PDE4DIP: variants seen among roughly 807,000 people sequenced by gnomAD.
PDE4DIP encodes the protein myomegalin.
Under a neutral mutation model 221.4 loss-of-function variants are expected in PDE4DIP, and 59 were observed. The observed-to-expected ratio is 0.27, with a 90% confidence interval of 0.22 to 0.33. PDE4DIP has a LOEUF of 0.33. Among genes scored for constraint, PDE4DIP ranks in the 10% least tolerant of loss-of-function variants. The pLI is 1.00. For synonymous variants in PDE4DIP, 404 were observed against 815.9 expected, an observed-to-expected ratio of 0.50 and a Z score of 8.60; for missense variants, 1,036 against 2,154.2, an observed-to-expected ratio of 0.48 and a Z score of 10.28.
chr1:148,820,932 G>T (rs1553360251), intron 1 of PDE4DIP, among the ~76,000 whole-genome samples: 1 of 148,984 alleles, frequency 6.7e-6, no homozygotes, highest in South Asian at 2.2e-4. Flanking sequence ...CTCACTGCAG[G>T]CTCCGCCCCC....
chr1:148,989,709 A>C (rs112426732), intron 21 of PDE4DIP, among the ~76,000 whole-genome samples: 2,737 of 152,292 alleles, frequency 0.018, 71 homozygotes, highest in African/African-American at 0.063. Flanking sequence ...CAATGTGAAC[A>C]GTCTGTTTTT....
intron 17 of PDE4DIP, among the ~76,000 whole-genome samples, chr1:148,975,166 C>T (rs1447506709): frequency 1.2e-4 from 17 of 147,786 alleles, no homozygotes; most frequent in East Asian, 5.1e-4. Flanking sequence ...AGCAAAACTC[C>T]GCCTCCAAGA....
chr1:148,926,692 T>C (rs1553465993), intron 1 of PDE4DIP, among the ~76,000 whole-genome samples: 1 of 151,822 alleles, frequency 6.6e-6, no homozygotes, highest in African/African-American at 2.4e-5. Context: ...AGTTGCTCCC[T>C]CTTTGCATTT....
At chr1:148,989,156 AT>A (rs2062488014) in intron 21 of PDE4DIP, 1 of 322,218 alleles carries the variant, frequency 3.1e-6, no homozygotes. Context: ...TTACTCTTTT[AT>A]TCCCATATTT....
chr1:148,963,155 C>T (rs1553514240), intron 9 of PDE4DIP, among the ~76,000 whole-genome samples: 1 of 152,190 alleles, frequency 6.6e-6, no homozygotes, highest in Non-Finnish European at 1.5e-5. Flanking sequence ...GCCTCCCTCA[C>T]GTAACTTTTG....
intron 22 of PDE4DIP, among the ~76,000 whole-genome samples, chr1:148,996,246 A>G (rs1553564539): frequency 6.6e-6 from 1 of 152,246 alleles, no homozygotes; most frequent in African/African-American, 2.4e-5. Flanking sequence ...AGGCCTAGAA[A>G]AGAATAATGC....
At chr1:149,011,188 C>T (rs1320795632) in intron 31 of PDE4DIP, among the ~76,000 whole-genome samples, 1 of 142,494 alleles carries the variant, frequency 7.0e-6, no homozygotes, top group African/African-American at 2.7e-5. Context: ...GTACACTGCT[C>T]ATTCACAGCC....
intron 31 of PDE4DIP, among the ~76,000 whole-genome samples, chr1:149,010,805 A>G (rs1553604786): frequency 2.6e-5 from 4 of 150,958 alleles, no homozygotes; most frequent in East Asian, 1.9e-4. Flanking sequence ...TGATCTGCAT[A>G]CCAGTTCTGA....
chr1:148,969,971 G>T (rs1169720606), intron 14 of PDE4DIP, among the ~76,000 whole-genome samples: 3 of 152,184 alleles, frequency 2.0e-5, no homozygotes, highest in East Asian at 3.9e-4. Context: ...CTCCCAAAGT[G>T]CTGGGATTAC....
chr1:149,032,642 T>C (rs1418758729), exon 44 of PDE4DIP: 1 of 231,700 alleles, frequency 4.3e-6, no homozygotes, highest in Non-Finnish European at 8.5e-6. Context: ...CTATTTCTTT[T>C]CTTCTATGAT....
At chr1:148,982,470 A>G (rs2061281726) in intron 21 of PDE4DIP, 1 of 152,228 alleles carries the variant, frequency 6.6e-6, no homozygotes, top group Non-Finnish European at 1.5e-5. Flanking sequence ...AAGAAATGTT[A>G]CAGATGTATG....
At chr1:148,818,024 C>G (rs1393225938) in intron 1 of PDE4DIP, among the ~76,000 whole-genome samples, 1 of 149,444 alleles carries the variant, frequency 6.7e-6, no homozygotes, top group Non-Finnish European at 1.5e-5. Flanking sequence ...ACCATGTTGG[C>G]CAGGGTGGTC....
At chr1:148,919,819 T>C (rs1249167806) in intron 1 of PDE4DIP, among the ~76,000 whole-genome samples, 1 of 150,056 alleles carries the variant, frequency 6.7e-6, no homozygotes, top group East Asian at 1.9e-4. Context: ...TCCTTTAGTT[T>C]ACAGAATTGA....
rs1274449116 is a variant in PDE4DIP, at chr1:148,869,952, T to C, written c.441+1330T>C. Among the ~76,000 whole-genome samples, 2 of 80,284 alleles carry C rather than the reference T, an allele frequency of 2.5e-5. 1 individual carries two copies. Among genetic ancestry groups the C allele is most frequent in the African/African-American group, 1.1e-4 (2 of 18,382 alleles). The allele number at this position is 80,284 out of a possible 152,430, so 52.7% of individuals were successfully genotyped here. On this transcript the variant is annotated intron_variant, in intron 3 of 45. Coordinates refer to the PDE4DIP transcript ENST00000524974. ...TTTTGACAGAAAAAAAAAAGTAAAA[T>C]TCTAATCTCAAAAAATTTTGTGTTG...
At chr1:148,913,937 C>T (rs1251924681) in intron 1 of PDE4DIP, among the ~76,000 whole-genome samples, 7 of 126,182 alleles carry the variant, frequency 5.5e-5, no homozygotes, top group Non-Finnish European at 1.1e-4. Flanking sequence ...TTTTATGTGG[C>T]AGTATTAAGT....
chr1:149,021,447 A>C, intron 37 of PDE4DIP: 1 of 298,008 alleles, frequency 3.4e-6, no homozygotes, highest in East Asian at 8.5e-5. Context: ...TGTCCTAATG[A>C]TATCATCATT....
chr1:149,021,847 CT>C (rs1467529016), intron 37 of PDE4DIP: 1 of 144,462 alleles, frequency 6.9e-6, no homozygotes, highest in Non-Finnish European at 1.5e-5. Context: ...TTATTGAAGA[CT>C]TTGCTGCCTG....
At chr1:148,820,570 A>G (rs1395922136) in intron 1 of PDE4DIP, among the ~76,000 whole-genome samples, 1 of 139,862 alleles carries the variant, frequency 7.1e-6, no homozygotes, top group Non-Finnish European at 1.6e-5. Flanking sequence ...AAAAAAAAAA[A>G]AAAAAAAAAA....
At chr1:149,028,728 G>A (rs1553632926) in intron 41 of PDE4DIP, 25 bp downstream of exon 44, 3 of 1,446,372 alleles carry the variant, frequency 2.1e-6, no homozygotes, top group South Asian at 1.2e-5. Flanking sequence ...CCCTTTCTTG[G>A]TTCAAACCCA....
Sources: gnomAD v4.1 joint callset for allele counts (sites outside exome capture counted in the v4.1 genomes callset) on GRCh38, gnomAD v4.1.1 for gene constraint, MANE v1.5 for transcripts, NCBI Gene and HGNC (gene_info 2026-07-23, HGNC 2026-07-21) for gene names.